The following CCDC7 variants were observed in gnomAD, a reference collection of about 807,000 sequenced individuals.
The protein encoded by CCDC7 is coiled-coil domain containing 7, also known as coiled-coil domain-containing protein 7.
CCDC7 carries 183 observed loss-of-function variants against 196.9 expected under a neutral mutation model. The ratio of observed to expected loss-of-function variants is 0.93; its 90% confidence interval spans 0.82 to 1.05. CCDC7 has a LOEUF of 1.05. CCDC7 is among the 50% of genes least tolerant of loss of function. The pLI, the probability that CCDC7 is intolerant of heterozygous loss-of-function variation, is 0.00. For synonymous variants in CCDC7, 525 were observed against 484.6 expected (o/e 1.08, Z -1.10); for missense variants, 1,540 against 1,482.2 (o/e 1.04, Z -0.64).
At chr10:32,766,514 T>C (rs1333814878) in intron 28 of CCDC7, among the ~76,000 whole-genome samples, 1 of 152,106 alleles carries the variant, frequency 6.6e-6, no homozygotes, top group African/African-American at 2.4e-5. Context: ...CAAGTTCCTA[T>C]AGGTGAATCA....
At chr10:32,459,830 A>G (rs1375808410) in intron 3 of CCDC7, among the ~76,000 whole-genome samples, 1 of 152,026 alleles carries the variant, frequency 6.6e-6, no homozygotes, top group Non-Finnish European at 1.5e-5. Context: ...CCTAACAGAT[A>G]TCAAGATTCA....
chr10:32,857,297 C>A (rs2093790837), intron 41 of CCDC7, among the ~76,000 whole-genome samples: 1 of 152,142 alleles, frequency 6.6e-6, no homozygotes, highest in Non-Finnish European at 1.5e-5. Context: ...AGACCTTCAG[C>A]ACTTTCCATC....
In CCDC7 at chr10:32,452,046, G is replaced by A. The variant is rs944053633; in HGVS notation, c.279+125G>A. On this transcript the variant is annotated intron_variant, in intron 1 of 41. Transcript: ENST00000639629. Reference sequence around the variant, plus strand: ...CGATGGCTAAGATTTATTACAGTAGGCACATGAGGTGAAATTAGGAGAAAA... The same window carrying A: ...CGATGGCTAAGATTTATTACAGTAGACACATGAGGTGAAATTAGGAGAAAA... 1.3e-5 allele frequency: 17 copies of A among 1,311,550 alleles called. No homozygotes were observed. The African/African-American group carries it at 2.1e-4, about 16-fold the overall frequency. The allele number at this position is 1,311,550 out of a possible 1,614,324, so 81.2% of individuals were successfully genotyped here.
chr10:32,797,758 C>A (rs1021838929), intron 29 of CCDC7, among the ~76,000 whole-genome samples: 1 of 137,324 alleles, frequency 7.3e-6, no homozygotes, highest in East Asian at 2.0e-4. Flanking sequence ...CACTTCCACC[C>A]CTTGATTACT....
intron 13 of CCDC7, among the ~76,000 whole-genome samples, chr10:32,560,679 C>T (rs2055356014): frequency 6.6e-6 from 1 of 152,198 alleles, no homozygotes. Flanking sequence ...AAGCACTAAA[C>T]ATGGAAAGGA....
intron 16 of CCDC7, among the ~76,000 whole-genome samples, chr10:32,572,914 A>G (rs926465002): frequency 4.7e-5 from 6 of 126,966 alleles, no homozygotes; most frequent in African/African-American, 1.9e-4. Context: ...CTCGCTTTTA[A>G]TTGCCCAGGC....
chr10:32,802,553 G>A (rs2085019503), intron 29 of CCDC7, among the ~76,000 whole-genome samples: 1 of 152,124 alleles, frequency 6.6e-6, no homozygotes, highest in Non-Finnish European at 1.5e-5. Context: ...TTCTCTTGAG[G>A]GCTGGACTAA....
chr10:32,765,188 T>G (rs570885676), intron 28 of CCDC7, among the ~76,000 whole-genome samples: 1 of 152,120 alleles, frequency 6.6e-6, no homozygotes, highest in East Asian at 1.9e-4. Flanking sequence ...TTTATACCTT[T>G]AATTTTTCTC....
chr10:32,868,605 A>G (rs774146381), intron 41 of CCDC7, among the ~76,000 whole-genome samples: 25 of 152,052 alleles, frequency 1.6e-4, no homozygotes, highest in Non-Finnish European at 2.4e-4. Flanking sequence ...TCTAAGGTAC[A>G]TGTGCACAAC....
intron 18 of CCDC7, among the ~76,000 whole-genome samples, chr10:32,621,974 T>C (rs997797107): frequency 3.3e-5 from 5 of 152,178 alleles, no homozygotes; most frequent in Non-Finnish European, 7.3e-5. Flanking sequence ...ACTTGACACA[T>C]AAAATTAACC....
chr10:32,868,745 C>G (rs111746320), intron 41 of CCDC7, among the ~76,000 whole-genome samples: 1 of 134,780 alleles, frequency 7.4e-6, no homozygotes. Context: ...AAGGCCCTGG[C>G]GTGTGATGTT....
chr10:32,805,232 A>G (rs2085586870), intron 30 of CCDC7, 134 bp downstream of exon 31: 5 of 634,478 alleles, frequency 7.9e-6, no homozygotes, highest in South Asian at 7.8e-5. Flanking sequence ...ACCCTCCCAT[A>G]TTTGGTTTTA....
chr10:32,735,243 A>G (rs911535401), intron 28 of CCDC7, among the ~76,000 whole-genome samples: 2 of 152,254 alleles, frequency 1.3e-5, no homozygotes, highest in African/African-American at 4.8e-5. Context: ...GCTGTATCAT[A>G]TAGTAATACT....
intron 20 of CCDC7, among the ~76,000 whole-genome samples, chr10:32,637,005 C>T (rs928214560): frequency 6.6e-6 from 1 of 152,142 alleles, no homozygotes; most frequent in African/African-American, 2.4e-5. Flanking sequence ...TTTCATGTGT[C>T]TGTTGGCTGC....
At chr10:32,795,337 G>A (rs1231508171) in intron 29 of CCDC7, among the ~76,000 whole-genome samples, 1 of 152,018 alleles carries the variant, frequency 6.6e-6, no homozygotes, top group African/African-American at 2.4e-5. Flanking sequence ...TCCTCTGCTT[G>A]ATCTATTCTG....
chr10:32,720,854 G>T (rs1014665915), intron 25 of CCDC7, among the ~76,000 whole-genome samples: 1 of 152,146 alleles, frequency 6.6e-6, no homozygotes, highest in Non-Finnish European at 1.5e-5. Context: ...CACTTTGGGA[G>T]ACCGAAGTGG....
At chr10:32,792,718 T>G (rs966327989) in intron 29 of CCDC7, among the ~76,000 whole-genome samples, 9 of 152,130 alleles carry the variant, frequency 5.9e-5, no homozygotes, top group African/African-American at 1.2e-4. Context: ...GAGAATCACT[T>G]GAACCCAGGA....
downstream of CCDC7, among the ~76,000 whole-genome samples, chr10:32,881,731 C>A (rs868772606): frequency 1.3e-5 from 2 of 152,028 alleles, no homozygotes; most frequent in African/African-American, 2.4e-5. Flanking sequence ...TTTCTTTACC[C>A]GCCCCCCACA....
chr10:32,546,446 T>G (rs1416702090), intron 13 of CCDC7, among the ~76,000 whole-genome samples: 2 of 152,188 alleles, frequency 1.3e-5, no homozygotes, highest in African/African-American at 4.8e-5. Flanking sequence ...ACTGGGAAAT[T>G]GGGGTAGAGA....
Sources: allele counts gnomAD v4.1 joint callset (sites outside exome capture counted in the v4.1 genomes callset), GRCh38; gene constraint gnomAD v4.1.1; transcripts MANE v1.5; gene names NCBI Gene and HGNC (gene_info 2026-07-23, HGNC 2026-07-21).